Variants in PTPRD observed in about 807,000 individuals in gnomAD.
PTPRD encodes protein tyrosine phosphatase receptor type D, also known as receptor-type tyrosine-protein phosphatase delta.
Under a neutral mutation model 214.5 loss-of-function variants are expected in PTPRD, and 34 were observed. The observed-to-expected ratio is 0.16, with a 90% CI of 0.12 to 0.21. The LOEUF (loss-of-function observed/expected upper bound fraction) is 0.21, where lower values mean the gene tolerates loss of function less well. PTPRD is among the 10% of genes least tolerant of loss of function. The pLI is 1.00. For missense variants in PTPRD, 2,545 were observed against 2,398.7 expected (o/e 1.06, Z -1.27); for synonymous variants, 1,128 against 845.7 (o/e 1.33, Z -5.79).
intron 12 of PTPRD, among the ~76,000 whole-genome samples, chr9:8,699,380 C>T (rs2098017676): frequency 6.6e-6 from 1 of 152,094 alleles, no homozygotes; most frequent in Non-Finnish European, 1.5e-5. Flanking sequence ...AAGATTAATT[C>T]CTGAAATAAT....
chr9:10,552,491 T>C (rs574907301), intron 2 of PTPRD, among the ~76,000 whole-genome samples: 57 of 152,282 alleles, frequency 3.7e-4, no homozygotes, highest in South Asian at 1.0e-3. Flanking sequence ...TACATGATCA[T>C]GTGTAACAGT....
chr9:10,270,025 G>A (rs1017259157), intron 3 of PTPRD, among the ~76,000 whole-genome samples: 5 of 151,988 alleles, frequency 3.3e-5, no homozygotes, highest in African/African-American at 9.7e-5. Context: ...TTACAATGGC[G>A]CTACATAATT....
chr9:9,913,075 G>A (rs926434299), intron 5 of PTPRD, among the ~76,000 whole-genome samples: 3 of 151,746 alleles, frequency 2.0e-5, no homozygotes, highest in Non-Finnish European at 2.9e-5. Context: ...ATATGTGATC[G>A]ATCATAAATT....
rs867205088 is a variant in PTPRD, at chr9:8,702,156, G to A, written c.64+31624C>T. On this transcript the variant is annotated intron_variant, in intron 12 of 45. Transcript: ENST00000381196. The stretch of plus-strand genomic sequence containing the variant: ...ATAGCTTTTAATTTCCCTGTCAGAC[G>A]GTTGCTTGGATTTTTCTGGAATTTA... Among the ~76,000 whole-genome samples the A allele has an allele frequency of 8.8e-4, 134 of 151,594 alleles. 1 individual carries two copies. The highest frequency in any genetic ancestry group is 3.1e-3 in the African/African-American group (126 of 41,310).
At chr9:9,176,181 G>A (rs2099924725) in intron 10 of PTPRD, among the ~76,000 whole-genome samples, 1 of 152,188 alleles carries the variant, frequency 6.6e-6, no homozygotes, top group African/African-American at 2.4e-5. Flanking sequence ...AAGGTTGTCA[G>A]CTTGCTGGTC....
chr9:10,363,880 G>GATATTTA (rs1219750271), intron 2 of PTPRD, among the ~76,000 whole-genome samples: 1 of 150,908 alleles, frequency 6.6e-6, no homozygotes, highest in Non-Finnish European at 1.5e-5. Context: ...ATACTGTTAC[G>GATATTTA]ATATTTAATT....
intron 9 of PTPRD, among the ~76,000 whole-genome samples, chr9:9,237,691 A>C (rs1446476068): frequency 2.6e-5 from 4 of 152,084 alleles, no homozygotes; most frequent in African/African-American, 9.7e-5. Flanking sequence ...GCTGATCTTC[A>C]GACTATAAAT....
chr9:9,550,829 T>A (rs750280478), intron 8 of PTPRD, among the ~76,000 whole-genome samples: 2 of 151,868 alleles, frequency 1.3e-5, no homozygotes, highest in African/African-American at 4.8e-5. Flanking sequence ...ATAGAGAGTA[T>A]ATAAGTACAT....
chr9:8,535,886 T>C (rs1344319296), intron 14 of PTPRD, among the ~76,000 whole-genome samples: 2 of 151,976 alleles, frequency 1.3e-5, no homozygotes, highest in African/African-American at 4.8e-5. Context: ...ATTTGTCTAA[T>C]ATGATGCTCT....
intron 8 of PTPRD, among the ~76,000 whole-genome samples, chr9:9,548,640 A>G (rs1240769918): frequency 2.6e-5 from 4 of 151,922 alleles, no homozygotes; most frequent in African/African-American, 7.2e-5. Flanking sequence ...CTTTTAAAGT[A>G]AAGACACAAA....
At position 9,366,008 on chromosome 9, in the gene PTPRD, A is replaced by C. The variant is rs978578417; in HGVS notation, c.-203+31441T>G. Among the ~76,000 whole-genome samples, 34 of 151,518 alleles carry C rather than the reference A, an allele frequency of 2.2e-4. 3 individuals are homozygous for C. The highest frequency in any genetic ancestry group is 1.9e-3 in the Admixed American group (29 of 15,132). ...TATAATATTATAAATCTTTACAAAG[A>C]TATTCTGAGTAAAATTCTGCCATTG... On this transcript the variant is annotated intron_variant, in intron 9 of 45. Coordinates refer to ENST00000381196, the MANE Select transcript of PTPRD (RefSeq NM_002839.4).
chr9:10,336,983 A>C (rs1177344654), intron 3 of PTPRD, among the ~76,000 whole-genome samples: 1 of 151,644 alleles, frequency 6.6e-6, no homozygotes, highest in Non-Finnish European at 1.5e-5. Context: ...GGTCGTAGTC[A>C]AGGAGCCATC....
At chr9:9,836,097 C>G (rs1213402305) in intron 5 of PTPRD, among the ~76,000 whole-genome samples, 1 of 152,184 alleles carries the variant, frequency 6.6e-6, no homozygotes, top group African/African-American at 2.4e-5. Context: ...AAAATCTACA[C>G]TAAATCATGG....
intron 4 of PTPRD, among the ~76,000 whole-genome samples, chr9:10,004,991 G>T (rs1028437038): frequency 6.6e-6 from 1 of 152,064 alleles, no homozygotes; most frequent in Non-Finnish European, 1.5e-5. Flanking sequence ...CTAGTTTCAT[G>T]CCATGCTTAA....
intron 9 of PTPRD, among the ~76,000 whole-genome samples, chr9:9,333,052 T>G (rs1449327471): frequency 6.6e-6 from 1 of 151,958 alleles, no homozygotes; most frequent in Non-Finnish European, 1.5e-5. Context: ...TTCAAGCATT[T>G]ATTAAATGTT....
At chr9:9,550,481 CTA>C (rs1372540033) in intron 8 of PTPRD, among the ~76,000 whole-genome samples, 1 of 147,526 alleles carries the variant, frequency 6.8e-6, no homozygotes, top group Non-Finnish European at 1.5e-5. Context: ...GCACTATATA[CTA>C]TATATATGGT....
chr9:8,368,170 T>C (rs1038812406), intron 39 of PTPRD, among the ~76,000 whole-genome samples: 6 of 152,160 alleles, frequency 3.9e-5, no homozygotes, highest in African/African-American at 1.4e-4. Context: ...GGCAGTATAA[T>C]ATACACATAG....
chr9:10,366,434 A>G (rs147264190), intron 2 of PTPRD, among the ~76,000 whole-genome samples: 7 of 152,286 alleles, frequency 4.6e-5, no homozygotes, highest in African/African-American at 1.7e-4. Context: ...GAGTTGCACT[A>G]GATTGTTGTT....
chr9:10,528,164 A>G (rs370435988), intron 2 of PTPRD, among the ~76,000 whole-genome samples: 12 of 152,250 alleles, frequency 7.9e-5, no homozygotes, highest in African/African-American at 2.9e-4. Context: ...TTCCTCCAGA[A>G]GAAATGTTTC....
Sources: gnomAD v4.1 joint callset for allele counts (sites outside exome capture counted in the v4.1 genomes callset) on GRCh38, gnomAD v4.1.1 for gene constraint, MANE v1.5 for transcripts, NCBI Gene and HGNC (gene_info 2026-07-23, HGNC 2026-07-21) for gene names.